The following TPD52 variants were observed in gnomAD, a reference collection of about 807,000 sequenced individuals.
The protein encoded by TPD52 is prostate and colon associated protein.
Under a neutral mutation model 31.3 loss-of-function variants are expected in TPD52, and 17 were observed. The ratio of observed to expected loss-of-function variants is 0.54; its 90% CI spans 0.37 to 0.82. The LOEUF (loss-of-function observed/expected upper bound fraction) is 0.82. TPD52 is among the 40% of genes least tolerant of loss of function. The pLI is 0.00. For synonymous variants in TPD52, 83 were observed against 89.6 expected, an observed-to-expected ratio of 0.93 and a Z score of 0.42; for missense variants, 212 against 240.1, an observed-to-expected ratio of 0.88 and a Z score of 0.77.
chr8:80,112,848 A>T (rs907712825), intron 1 of TPD52, among the ~76,000 whole-genome samples: 1 of 152,190 alleles, frequency 6.6e-6, no homozygotes, highest in Admixed American at 6.5e-5. Context: ...TAGGGTCAGA[A>T]GTATTTCAGA....
intron 1 of TPD52, among the ~76,000 whole-genome samples, chr8:80,098,874 A>G (rs1806520923): frequency 6.6e-6 from 1 of 152,206 alleles, no homozygotes; most frequent in Non-Finnish European, 1.5e-5. Flanking sequence ...CTCAACCTTC[A>G]GCAGCTACCT....
At chr8:80,098,030 C>T (rs112515220) in intron 1 of TPD52, among the ~76,000 whole-genome samples, 8 of 152,320 alleles carry the variant, frequency 5.3e-5, no homozygotes, top group African/African-American at 9.6e-5. Flanking sequence ...GGAATAACAA[C>T]GCCTGGATGA....
chr8:80,084,554 G>A (rs564288323), intron 1 of TPD52, among the ~76,000 whole-genome samples: 26 of 152,222 alleles, frequency 1.7e-4, no homozygotes, highest in Non-Finnish European at 3.7e-4. Context: ...GGTAAGGGAT[G>A]GCGCAGCAGC....
rs576601199 is a variant in TPD52 at position 80,155,000 on chromosome 8, T to G, written c.19+16425A>C. 2.0e-3 allele frequency among the ~76,000 whole-genome samples: 236 copies of G among 119,544 alleles called. 1 individual carries two copies. Among genetic ancestry groups the G allele is most frequent in the African/African-American group, 7.3e-3 (227 of 30,904 alleles). The allele number at this position is 119,544 out of a possible 152,430, so 78.4% of individuals were successfully genotyped here. A position where few individuals can be genotyped will look rare whatever the true frequency, so the allele number is the denominator to read the frequency against. ...TTGGCTTTTTGTGTTTTTGGTTTTTTGTTTTTTTTTTTTTTGAGACAAGGT... is the reference window on the plus strand; with the variant it reads ...TTGGCTTTTTGTGTTTTTGGTTTTTGGTTTTTTTTTTTTTTGAGACAAGGT... On this transcript the variant is annotated intron_variant, in intron 1 of 7. Coordinates refer to ENST00000518937, the MANE Select transcript of TPD52 (RefSeq NM_001025253.3).
At chr8:80,131,190 A>G (rs2131083635) in intron 1 of TPD52, among the ~76,000 whole-genome samples, 1 of 152,240 alleles carries the variant, frequency 6.6e-6, no homozygotes, top group East Asian at 1.9e-4. Flanking sequence ...AGATCAGGAG[A>G]AAAAAATCAG....
chr8:80,055,235 TG>T (rs1326394085), intron 2 of TPD52, among the ~76,000 whole-genome samples: 3 of 152,220 alleles, frequency 2.0e-5, no homozygotes, highest in Non-Finnish European at 2.9e-5. Flanking sequence ...TAAATCTTTC[TG>T]AACAATGCAC....
intron 1 of TPD52, among the ~76,000 whole-genome samples, chr8:80,125,144 A>C (rs1808514847): frequency 6.6e-6 from 1 of 152,252 alleles, no homozygotes; most frequent in Non-Finnish European, 1.5e-5. Context: ...AAGGAGCAAG[A>C]GCATGAAGGA....
chr8:80,036,493 A>AT lies in TPD52; in HGVS notation c.*1622_*1623insA, dbSNP rs1415013881. 1 of 152,520 alleles carries AT rather than the reference A, an allele frequency of 6.6e-6. No homozygotes were observed. Among genetic ancestry groups the AT allele is most frequent in the Non-Finnish European group, 1.5e-5 (1 of 68,022 alleles). The allele number at this position is 152,520 out of a possible 1,614,324, so 9.4% of individuals were successfully genotyped here. On this transcript the variant is annotated 3_prime_UTR_variant, in exon 8 of 8. Transcript: ENST00000518937. Reference sequence around the variant, plus strand: ...TAAGCAATAATTTAAGGATGGTTAAAAAAAAATTTTTTTTTTTTAAGCATA... The same window carrying AT: ...TAAGCAATAATTTAAGGATGGTTAAATAAAAAATTTTTTTTTTTTAAGCATA...
At chr8:80,108,394 T>C (rs1253178422) in intron 1 of TPD52, among the ~76,000 whole-genome samples, 1 of 152,248 alleles carries the variant, frequency 6.6e-6, no homozygotes, top group Non-Finnish European at 1.5e-5. Context: ...TGTTAAAATG[T>C]TGTATGTCAC....
chr8:80,073,095 C>G (rs748206718), intron 1 of TPD52, among the ~76,000 whole-genome samples: 4 of 150,842 alleles, frequency 2.7e-5, no homozygotes, highest in Non-Finnish European at 4.4e-5. Flanking sequence ...AGAGCGAGAG[C>G]GAGAAAGAAA....
chr8:80,117,404 AAAG>A (rs1244415594), intron 1 of TPD52, among the ~76,000 whole-genome samples: 2 of 152,252 alleles, frequency 1.3e-5, no homozygotes, highest in African/African-American at 2.4e-5. Context: ...ACAGCATTGA[AAAG>A]AATACATTTA....
At chr8:80,097,543 G>C (rs190158716) in intron 1 of TPD52, among the ~76,000 whole-genome samples, 5 of 152,172 alleles carry the variant, frequency 3.3e-5, no homozygotes, top group Non-Finnish European at 7.3e-5. Context: ...TTGTTTAAAA[G>C]TGTGTAACAC....
chr8:80,149,794 T>C (rs1810448921), intron 1 of TPD52, among the ~76,000 whole-genome samples: 1 of 152,118 alleles, frequency 6.6e-6, no homozygotes, highest in Non-Finnish European at 1.5e-5. Context: ...TTGAGAGAGA[T>C]GATTTGGGGT....
chr8:80,085,837 C>G (rs1309534546), intron 1 of TPD52, among the ~76,000 whole-genome samples: 3 of 152,166 alleles, frequency 2.0e-5, no homozygotes, highest in Non-Finnish European at 4.4e-5. Context: ...GATTAACTAG[C>G]TGCCAGAAGG....
chr8:80,040,185 C>CTT (rs34611433), intron 7 of TPD52, among the ~76,000 whole-genome samples: 1,394 of 95,674 alleles, frequency 0.015, 282 homozygotes, highest in African/African-American at 0.055. Flanking sequence ...ATACGCTATC[C>CTT]TTTTTTTTTT....
chr8:80,067,946 G>A (rs1272914915), intron 1 of TPD52, among the ~76,000 whole-genome samples: 1 of 151,914 alleles, frequency 6.6e-6, no homozygotes, highest in Admixed American at 6.6e-5. Flanking sequence ...TCTGGCTTTT[G>A]GGAGAAAAGA....
At chr8:80,112,660 A>G (rs943884232) in intron 1 of TPD52, among the ~76,000 whole-genome samples, 6 of 152,234 alleles carry the variant, frequency 3.9e-5, no homozygotes, top group African/African-American at 1.4e-4. Context: ...AACCAAGTGG[A>G]AAAAAATTTC....
intron 7 of TPD52, among the ~76,000 whole-genome samples, chr8:80,039,678 T>C (rs568597225): frequency 6.6e-6 from 1 of 152,218 alleles, no homozygotes; most frequent in East Asian, 1.9e-4. Flanking sequence ...AACTCTGCAA[T>C]GTGGCCTACA....
intron 2 of TPD52, among the ~76,000 whole-genome samples, chr8:80,061,376 C>T (rs1812521683): frequency 1.3e-5 from 1 of 76,150 alleles, no homozygotes; most frequent in Admixed American, 1.4e-4. Flanking sequence ...TCCCCCCCAC[C>T]GCCCCCCCCA....
Sources: gnomAD v4.1 joint callset for allele counts (sites outside exome capture counted in the v4.1 genomes callset) on GRCh38, gnomAD v4.1.1 for gene constraint, MANE v1.5 for transcripts, NCBI Gene and HGNC (gene_info 2026-07-23, HGNC 2026-07-21) for gene names.